EYS: variants seen among roughly 807,000 people sequenced by gnomAD.
The protein encoded by EYS is protein eyes shut homolog.
Under a neutral mutation model 282.1 loss-of-function variants are expected in EYS, and 250 were observed. The observed-to-expected ratio is 0.89, with a 90% CI of 0.80 to 0.98. The LOEUF (loss-of-function observed/expected upper bound fraction) is 0.98, where lower values mean the gene tolerates loss of function less well. Among genes scored for constraint, EYS ranks in the 50% least tolerant of loss-of-function variants. The pLI, the probability that EYS is intolerant of heterozygous loss-of-function variation, is 0.00. For missense variants in EYS, 4,016 were observed against 3,709.0 expected, an observed-to-expected ratio of 1.08 and a Z score of -2.15; for synonymous variants, 1,355 against 1,282.9, an observed-to-expected ratio of 1.06 and a Z score of -1.20.
intron 5 of EYS, 132 bp from the exon 6 acceptor site, chr6:65,405,499 T>G: frequency 1.4e-6 from 1 of 728,206 alleles, no homozygotes; most frequent in Non-Finnish European, 2.3e-6. Flanking sequence ...ACAAATGTAT[T>G]GCAGTGTAAG....
chr6:63,786,453 A>G (rs1356180006), intron 39 of EYS, among the ~76,000 whole-genome samples: 1 of 150,334 alleles, frequency 6.7e-6, no homozygotes, highest in Admixed American at 6.7e-5. Context: ...GAAACACCTC[A>G]TGTTCTCACT....
intron 26 of EYS, among the ~76,000 whole-genome samples, chr6:64,539,346 G>C (rs996089177): frequency 1.3e-5 from 2 of 152,056 alleles, no homozygotes; most frequent in Non-Finnish European, 2.9e-5. Context: ...TAGGAGGATC[G>C]CTTGAGAACA....
At chr6:64,693,351 T>G (rs1406089504) in intron 22 of EYS, among the ~76,000 whole-genome samples, 3 of 152,128 alleles carry the variant, frequency 2.0e-5, no homozygotes, top group South Asian at 2.1e-4. Flanking sequence ...TTCTAAAAAT[T>G]TATAATAATG....
chr6:65,238,678 T>G (rs1766985384), intron 12 of EYS, among the ~76,000 whole-genome samples: 1 of 152,032 alleles, frequency 6.6e-6, no homozygotes, highest in South Asian at 2.1e-4. Context: ...TATGGTTACA[T>G]TCTTGAACTC....
At chr6:64,414,928 A>G (rs1483850461) in intron 28 of EYS, among the ~76,000 whole-genome samples, 2 of 152,194 alleles carry the variant, frequency 1.3e-5, no homozygotes, top group Non-Finnish European at 2.9e-5. Context: ...GAGATACAGA[A>G]GAAACTCCTG....
intron 12 of EYS, among the ~76,000 whole-genome samples, chr6:65,231,572 A>G (rs1250638705): frequency 6.6e-6 from 1 of 151,846 alleles, no homozygotes; most frequent in African/African-American, 2.4e-5. Context: ...CACCTTGACC[A>G]TAAATACACA....
At chr6:64,063,872 G>A (rs933155230) in intron 33 of EYS, among the ~76,000 whole-genome samples, 50 of 152,168 alleles carry the variant, frequency 3.3e-4, no homozygotes, top group Middle Eastern at 3.4e-3. Context: ...TGGGATTACA[G>A]GCACGTGCCA....
intron 28 of EYS, among the ~76,000 whole-genome samples, chr6:64,405,939 A>G (rs928325458): frequency 1.3e-5 from 2 of 152,214 alleles, no homozygotes; most frequent in African/African-American, 4.8e-5. Context: ...GACTTTCTTC[A>G]CAGAATTGGA....
rs1409620344 is a variant in EYS at position 65,663,861 on chromosome 6, CTTTTCT to C, written c.-447-23975_-447-23970del. 2.1e-3 allele frequency among the ~76,000 whole-genome samples: 195 copies of C among 90,898 alleles called. 1 individual carries two copies. Among genetic ancestry groups the C allele is most frequent in the Non-Finnish European group, 3.8e-3 (157 of 41,504 alleles). 59.6% of individuals were successfully genotyped at this position (90,898 alleles called of 152,430 possible). ...ACGCCCAGCTAATTTTTTGTTTTTT[CTTTTCT>C]TTTTTTTTTTTTTTTTTTTTTGAGA... On this transcript the variant is annotated intron_variant, in intron 1 of 42. Coordinates refer to ENST00000503581, the MANE Select transcript of EYS (RefSeq NM_001142800.2).
chr6:64,143,042 A>G (rs1228204058), intron 31 of EYS, among the ~76,000 whole-genome samples: 1 of 152,212 alleles, frequency 6.6e-6, no homozygotes, highest in African/African-American at 2.4e-5. Context: ...ATGTAAACGC[A>G]TATCACTAAA....
intron 12 of EYS, among the ~76,000 whole-genome samples, chr6:65,114,035 C>G (rs1017208251): frequency 2.6e-5 from 4 of 151,914 alleles, no homozygotes. Flanking sequence ...GTAATATCTC[C>G]ATCCACCAAA....
intron 31 of EYS, among the ~76,000 whole-genome samples, chr6:64,141,736 A>T (rs1256453301): frequency 6.6e-6 from 1 of 152,224 alleles, no homozygotes; most frequent in Non-Finnish European, 1.5e-5. Flanking sequence ...TAATTTATAA[A>T]ACAATGAGCA....
At chr6:64,459,260 C>T (rs1355705137) in intron 26 of EYS, among the ~76,000 whole-genome samples, 3 of 152,088 alleles carry the variant, frequency 2.0e-5, no homozygotes, top group Non-Finnish European at 2.9e-5. Flanking sequence ...ATAGGCTATA[C>T]AGAGTTTCAT....
At chr6:64,666,693 T>C (rs1391340535) in intron 22 of EYS, among the ~76,000 whole-genome samples, 3 of 152,190 alleles carry the variant, frequency 2.0e-5, no homozygotes, top group Non-Finnish European at 4.4e-5. Flanking sequence ...ACTGCTCTCA[T>C]TAAACTAGAT....
intron 1 of EYS, among the ~76,000 whole-genome samples, chr6:65,705,935 C>T: frequency 6.6e-6 from 1 of 151,616 alleles, no homozygotes; most frequent in East Asian, 1.9e-4. Context: ...TTTCCTTAAT[C>T]CTGCTAATAA....
chr6:64,154,730 T>C (rs1344713079), intron 31 of EYS, among the ~76,000 whole-genome samples: 2 of 152,010 alleles, frequency 1.3e-5, no homozygotes, highest in East Asian at 3.9e-4. Context: ...ATTGTTGTCT[T>C]TAAGTAAATA....
intron 36 of EYS, among the ~76,000 whole-genome samples, chr6:63,815,698 A>G (rs2149683364): frequency 6.6e-6 from 1 of 152,302 alleles, no homozygotes; most frequent in Middle Eastern, 3.4e-3. Flanking sequence ...TAGAAGCTCA[A>G]TTGTTTTCTA....
intron 22 of EYS, among the ~76,000 whole-genome samples, chr6:64,640,855 T>C (rs559764786): frequency 6.6e-6 from 1 of 152,330 alleles, no homozygotes; most frequent in South Asian, 2.1e-4. Flanking sequence ...ATTTAGTGTC[T>C]CATTTTGGAT....
rs371221947 is a variant in EYS, at chr6:63,721,815, G to A, written c.8234-18C>T. 6.5e-6 allele frequency: 10 copies of A among 1,529,474 alleles called. No individual in the cohort carries two copies. The South Asian group carries it at 7.5e-5, about 11-fold the overall frequency. The allele number at this position is 1,529,474 out of a possible 1,614,324, so 94.7% of individuals were successfully genotyped here. ...AAAATCACCTGCAAGAAAGCAAACAGTAAGTTTGATTAGCAACAGTAAAAG... is the reference window on the plus strand; with the variant it reads ...AAAATCACCTGCAAGAAAGCAAACAATAAGTTTGATTAGCAACAGTAAAAG... On this transcript the variant is annotated intron_variant, in intron 42 of 42. Coordinates refer to ENST00000503581, the MANE Select transcript of EYS (RefSeq NM_001142800.2).
Sources: allele counts gnomAD v4.1 joint callset (sites outside exome capture counted in the v4.1 genomes callset), GRCh38; gene constraint gnomAD v4.1.1; transcripts MANE v1.5; gene names NCBI Gene and HGNC (gene_info 2026-07-23, HGNC 2026-07-21).